The following RBM47 variants were observed in gnomAD, a reference collection of about 807,000 sequenced individuals.
RBM47 encodes the protein RNA-binding protein 47.
A neutral mutation model predicts 47.1 loss-of-function variants in RBM47; 21 were observed. The ratio of observed to expected loss-of-function variants is 0.45; its 90% CI spans 0.32 to 0.64. The LOEUF is 0.64. Ranked by LOEUF, RBM47 falls within the 30% of genes least tolerant of loss-of-function variation. The probability of loss-of-function intolerance (pLI) is 0.05; values close to 1 mark genes in which losing one functional copy is unlikely to be tolerated. For synonymous variants in RBM47, 375 were observed against 361.7 expected, an observed-to-expected ratio of 1.04 and a Z score of -0.42; for missense variants, 708 against 870.9, an observed-to-expected ratio of 0.81 and a Z score of 2.35.
chr4:40,558,035 G>A (rs910038505), intron 1 of RBM47, among the ~76,000 whole-genome samples: 1 of 152,074 alleles, frequency 6.6e-6, no homozygotes, highest in Non-Finnish European at 1.5e-5. Context: ...AAATTACATC[G>A]TCCTGAATTC....
At chr4:40,623,859 GTTTGT>G (rs1356249225) in intron 1 of RBM47, among the ~76,000 whole-genome samples, 1 of 151,702 alleles carries the variant, frequency 6.6e-6, no homozygotes, top group African/African-American at 2.4e-5. Context: ...TTGTTTGTTT[GTTTGT>G]TTGTTTTTTA....
intron 1 of RBM47, among the ~76,000 whole-genome samples, chr4:40,549,372 G>A (rs535937241): frequency 6.6e-6 from 1 of 152,172 alleles, no homozygotes; most frequent in South Asian, 2.1e-4. Flanking sequence ...GATTACAGGC[G>A]TGAGCCACCA....
intron 3 of RBM47, among the ~76,000 whole-genome samples, chr4:40,453,485 T>C (rs1715766499): frequency 6.6e-6 from 1 of 152,268 alleles, no homozygotes; most frequent in Non-Finnish European, 1.5e-5. Context: ...CTACTTATCC[T>C]CTTACACTTA....
At chr4:40,526,568 T>C (rs1726733308) in intron 2 of RBM47, among the ~76,000 whole-genome samples, 1 of 152,010 alleles carries the variant, frequency 6.6e-6, no homozygotes, top group Non-Finnish European at 1.5e-5. Flanking sequence ...TTTTTTGTTT[T>C]TGGGGTTTTT....
chr4:40,432,658 G>C lies in RBM47; in HGVS notation c.1535C>G (p.Pro512Arg). ...AVIPTVSTPP[P>R]FQGRPITPVY... ...CTGCAATAAGAACTCTACCTGGAAAGGTGGTGGCGTCGACACAGTGGGAAT... is the reference window on the plus strand; with the variant it reads ...CTGCAATAAGAACTCTACCTGGAAACGTGGTGGCGTCGACACAGTGGGAAT... The change falls in exon 6 of 7, where the codon CCT becomes CGT. Residue 512 changes from proline to arginine, a missense_variant. Physicochemically the swap from Pro to Arg is moderately radical, Grantham distance 103. Coordinates refer to ENST00000295971, the MANE Select transcript of RBM47 (RefSeq NM_001098634.2). 1.9e-6 allele frequency: 3 copies of C among 1,610,184 alleles called. No individual in the cohort carries two copies. Among genetic ancestry groups the C allele is most frequent in the Non-Finnish European group, 2.5e-6 (3 of 1,179,424 alleles).
chr4:40,591,017 G>T (rs975633149), intron 1 of RBM47, among the ~76,000 whole-genome samples: 1 of 152,156 alleles, frequency 6.6e-6, no homozygotes, highest in African/African-American at 2.4e-5. Flanking sequence ...TGGCCAGGCT[G>T]GTCTCGAACT....
chr4:40,460,888 C>CAAAA (rs35536750), intron 3 of RBM47, among the ~76,000 whole-genome samples: 43 of 92,566 alleles, frequency 4.6e-4, no homozygotes, highest in East Asian at 2.6e-3. Context: ...GACTCTGTCT[C>CAAAA]AAAAAAAAAA....
At chr4:40,607,564 A>G (rs1735875929) in intron 1 of RBM47, among the ~76,000 whole-genome samples, 2 of 152,086 alleles carry the variant, frequency 1.3e-5, no homozygotes, top group African/African-American at 4.8e-5. Context: ...AAAATTATCC[A>G]GGTATGGTGG....
At chr4:40,613,564 C>G (rs1736427607) in intron 1 of RBM47, among the ~76,000 whole-genome samples, 1 of 152,146 alleles carries the variant, frequency 6.6e-6, no homozygotes, top group Non-Finnish European at 1.5e-5. Context: ...GACCTTCTCC[C>G]CTCATACCTT....
chr4:40,538,254 G>A (rs1015182748), intron 2 of RBM47, among the ~76,000 whole-genome samples: 1 of 151,986 alleles, frequency 6.6e-6, no homozygotes, highest in Non-Finnish European at 1.5e-5. Flanking sequence ...ATGAGAAAAG[G>A]GATCCAGTAA....
At chr4:40,507,506 CG>C (rs1445445311) in intron 2 of RBM47, among the ~76,000 whole-genome samples, 3 of 152,038 alleles carry the variant, frequency 2.0e-5, no homozygotes, top group Non-Finnish European at 4.4e-5. Flanking sequence ...TCCAGAGTTA[CG>C]GCTGGGCGCG....
intron 5 of RBM47, among the ~76,000 whole-genome samples, chr4:40,434,616 A>AAATG (rs1711995076): frequency 6.7e-6 from 1 of 149,814 alleles, no homozygotes; most frequent in African/African-American, 2.5e-5. Flanking sequence ...GATCAGTTTT[A>AAATG]CTTTGCCCAC....
At chr4:40,462,786 T>G (rs1717361113) in intron 3 of RBM47, among the ~76,000 whole-genome samples, 1 of 151,786 alleles carries the variant, frequency 6.6e-6, no homozygotes, top group Non-Finnish European at 1.5e-5. Flanking sequence ...TACCTTACAC[T>G]ATATATAAAA....
intron 1 of RBM47, among the ~76,000 whole-genome samples, chr4:40,555,442 G>A (rs946105705): frequency 6.6e-6 from 1 of 152,218 alleles, no homozygotes; most frequent in Admixed American, 6.5e-5. Flanking sequence ...CATTCGCTCT[G>A]CTGAAGAAAT....
At chr4:40,478,042 T>C (rs1423187633) in intron 2 of RBM47, among the ~76,000 whole-genome samples, 1 of 117,632 alleles carries the variant, frequency 8.5e-6, no homozygotes, top group Non-Finnish European at 1.7e-5. Context: ...TGAGACAGAG[T>C]TTTGCTCTTA....
intron 4 of RBM47, among the ~76,000 whole-genome samples, chr4:40,437,110 TAAAATAC>T (rs1312731516): frequency 0.012 from 737 of 59,496 alleles, 30 homozygotes; most frequent in Middle Eastern, 0.016. Context: ...TATATATATA[TAAAATAC>T]ATATATATAT....
At chr4:40,540,651 A>AAATAATAAT (rs199604091) in intron 2 of RBM47, among the ~76,000 whole-genome samples, 2 of 117,154 alleles carry the variant, frequency 1.7e-5, no homozygotes, top group Non-Finnish European at 3.6e-5. Flanking sequence ...AAAAAAAAAA[A>AAATAATAAT]AATAATAATA....
intron 2 of RBM47, among the ~76,000 whole-genome samples, chr4:40,539,730 ACT>A (rs1250770820): frequency 3.2e-5 from 4 of 123,762 alleles, no homozygotes; most frequent in Admixed American, 2.7e-4. Context: ...ACAGAGCAAG[ACT>A]CTGTCTCAAA....
intron 1 of RBM47, among the ~76,000 whole-genome samples, chr4:40,567,653 T>C (rs927853054): frequency 2.0e-5 from 3 of 151,930 alleles, no homozygotes; most frequent in African/African-American, 7.2e-5. Flanking sequence ...ACATACACAT[T>C]TGAAGAAAGA....
Sources: allele counts gnomAD v4.1 joint callset (sites outside exome capture counted in the v4.1 genomes callset), GRCh38; gene constraint gnomAD v4.1.1; transcripts MANE v1.5; gene names NCBI Gene and HGNC (gene_info 2026-07-23, HGNC 2026-07-21).